Variants in INTS9 observed in about 807,000 individuals in gnomAD.
INTS9 encodes the protein integrator complex subunit 9.
In INTS9, 55 loss-of-function variants were observed where a neutral mutation model predicts 79.7. That is an observed-to-expected ratio of 0.69 (90% confidence interval 0.56 to 0.86). INTS9 has a LOEUF of 0.86. INTS9 is among the 40% of genes least tolerant of loss of function. The probability of loss-of-function intolerance (pLI) is 0.00; values close to 1 mark genes in which losing one functional copy is unlikely to be tolerated. For missense variants in INTS9, 721 were observed against 831.5 expected (o/e 0.87, Z 1.64); for synonymous variants, 319 against 325.2 (o/e 0.98, Z 0.20).
intron 1 of INTS9, among the ~76,000 whole-genome samples, chr8:28,882,455 C>G (rs181356113): frequency 0.017 from 898 of 51,968 alleles, 9 homozygotes; most frequent in Non-Finnish European, 0.026. Flanking sequence ...CAAGAATGAT[C>G]AATAAAAAAA....
At chr8:28,856,118 G>A (rs1052655357) in intron 2 of INTS9, among the ~76,000 whole-genome samples, 11 of 152,200 alleles carry the variant, frequency 7.2e-5, no homozygotes, top group Admixed American at 3.3e-4. Flanking sequence ...AAACTGGTGA[G>A]GAGGCTTTAG....
In INTS9 at chr8:28,785,345, ATAAATTAT is replaced by A. The variant is rs555937004; in HGVS notation, c.1098+2476_1098+2483del. Among the ~76,000 whole-genome samples the A allele has an allele frequency of 3.9e-5, 6 of 152,340 alleles. No homozygotes were observed. In the South Asian group the frequency reaches 1.2e-3, roughly 32 times the overall value. On this transcript the variant is annotated intron_variant, in intron 11 of 16. Coordinates refer to ENST00000521022, the MANE Select transcript of INTS9 (RefSeq NM_018250.4). ...GCACCCACTGGTGTTTCTTGCAGGAATAAATTATTACTGCGGTGGCTGCCAAATGGTGA... is the reference window on the plus strand; with the variant it reads ...GCACCCACTGGTGTTTCTTGCAGGAATACTGCGGTGGCTGCCAAATGGTGA...
chr8:28,873,428 C>T (rs1809197715), intron 1 of INTS9, among the ~76,000 whole-genome samples: 1 of 152,136 alleles, frequency 6.6e-6, no homozygotes, highest in African/African-American at 2.4e-5. Context: ...CCCTTTAAAA[C>T]TTTCAGGTCA....
chr8:28,878,696 G>A (rs1048121834), intron 1 of INTS9, among the ~76,000 whole-genome samples: 7 of 151,442 alleles, frequency 4.6e-5, no homozygotes, highest in African/African-American at 1.7e-4. Context: ...AAAAATGTTG[G>A]GCCAGGCGCG....
At position 28,768,201 on chromosome 8, in the gene INTS9, T is replaced by C. The variant is rs1802318611; in HGVS notation, c.1922A>G (p.Glu641Gly). Residue 641 changes from glutamate to glycine, a missense_variant, in exon 17 of 17, where the codon GAG becomes GGG. This residue lies in a region of INTS9 where 281 missense variants were observed against 300.8 expected (regional missense o/e 0.93). Transcript: ENST00000521022. The stretch of plus-strand genomic sequence containing the variant: ...GTCCCGCAGTCGCACTCTGAGCATC[T>C]CGTCATTGTCGCAGATGATATGGGT... ...DSTHIICDND[E>G]MLRVRLRDLV... is the part of the protein sequence containing the mutation. The C allele has an allele frequency of 8.7e-6, 14 of 1,614,224 alleles. No homozygotes were observed. Among genetic ancestry groups the C allele is most frequent in the Non-Finnish European group, 1.2e-5 (14 of 1,180,048 alleles).
At chr8:28,833,649 C>T (rs1374783774) in intron 6 of INTS9, among the ~76,000 whole-genome samples, 1 of 144,032 alleles carries the variant, frequency 6.9e-6, no homozygotes, top group Non-Finnish European at 1.5e-5. Flanking sequence ...AAAACAAAAA[C>T]CAAAAAAAAA....
intron 12 of INTS9, among the ~76,000 whole-genome samples, chr8:28,779,346 T>C (rs1803096599): frequency 6.6e-6 from 1 of 152,206 alleles, no homozygotes; most frequent in Non-Finnish European, 1.5e-5. Context: ...ACTTTCTGCC[T>C]GGCCTGGTAT....
intron 1 of INTS9, among the ~76,000 whole-genome samples, chr8:28,875,486 CT>C (rs886444992): frequency 2.6e-5 from 4 of 151,654 alleles, no homozygotes; most frequent in African/African-American, 7.3e-5. Flanking sequence ...TGGCATTCAT[CT>C]TTTTTTTTCT....
chr8:28,772,437 C>T (rs1019659937), intron 14 of INTS9, among the ~76,000 whole-genome samples: 4 of 152,062 alleles, frequency 2.6e-5, no homozygotes, highest in African/African-American at 9.7e-5. Context: ...TGCATGCACC[C>T]GGGAGGCAGA....
intron 1 of INTS9, among the ~76,000 whole-genome samples, chr8:28,861,136 T>C (rs902307311): frequency 6.6e-6 from 1 of 152,240 alleles, no homozygotes; most frequent in African/African-American, 2.4e-5. Flanking sequence ...ATACAAATTA[T>C]TTAAAACTGC....
chr8:28,825,730 G>A (rs147879302), intron 6 of INTS9, among the ~76,000 whole-genome samples: 123 of 152,320 alleles, frequency 8.1e-4, no homozygotes, highest in African/African-American at 2.5e-3. Flanking sequence ...TACTAGCAGC[G>A]TTCTGACCAA....
chr8:28,815,821 T>C (rs994315290), intron 6 of INTS9, among the ~76,000 whole-genome samples: 26 of 152,128 alleles, frequency 1.7e-4, no homozygotes, highest in Admixed American at 1.7e-3. Context: ...ACACTCATAA[T>C]ATTCAATTAC....
chr8:28,816,280 T>C (rs2131070574), intron 6 of INTS9, among the ~76,000 whole-genome samples: 2 of 150,454 alleles, frequency 1.3e-5, no homozygotes, highest in African/African-American at 2.4e-5. Flanking sequence ...ATTAGGTATG[T>C]CCCCTAAAGC....
intron 1 of INTS9, among the ~76,000 whole-genome samples, chr8:28,878,608 C>T (rs1364437517): frequency 6.6e-6 from 1 of 150,570 alleles, no homozygotes; most frequent in African/African-American, 2.4e-5. Context: ...AGGTGTCAGC[C>T]ACTGTGCCTG....
At chr8:28,817,912 A>T (rs1400734972) in intron 6 of INTS9, among the ~76,000 whole-genome samples, 12 of 150,938 alleles carry the variant, frequency 8.0e-5, no homozygotes, top group Non-Finnish European at 1.6e-4. Flanking sequence ...ATTCTCTTTG[A>T]AGCAATTGTG....
chr8:28,768,895 T>C (rs1802363898), intron 16 of INTS9, among the ~76,000 whole-genome samples: 1 of 152,214 alleles, frequency 6.6e-6, no homozygotes, highest in African/African-American at 2.4e-5. Flanking sequence ...ACTTCATGGC[T>C]GCAGGCTCCC....
intron 10 of INTS9, among the ~76,000 whole-genome samples, chr8:28,790,612 G>A (rs1325684846): frequency 6.6e-6 from 1 of 152,150 alleles, no homozygotes; most frequent in African/African-American, 2.4e-5. Flanking sequence ...ACAGGTGTGA[G>A]CCACCCTGAT....
intron 9 of INTS9, 44 bp from the exon 10 acceptor site, chr8:28,794,031 G>T: frequency 7.0e-7 from 1 of 1,425,736 alleles, no homozygotes; most frequent in African/African-American, 1.5e-5. Flanking sequence ...CATATCAAAA[G>T]GGCAGTGTTA....
intron 5 of INTS9, 121 bp downstream of exon 5, chr8:28,837,516 C>A: frequency 1.9e-6 from 2 of 1,065,420 alleles, no homozygotes; most frequent in Non-Finnish European, 1.3e-6. Flanking sequence ...CCTGCCTGTT[C>A]TTTGGGTTAG....
Sources: gnomAD v4.1 joint callset for allele counts (sites outside exome capture counted in the v4.1 genomes callset) on GRCh38, gnomAD v4.1.1 for gene constraint, gnomAD v4.1.1 regional missense constraint, MANE v1.5 for transcripts, NCBI Gene and HGNC (gene_info 2026-07-23, HGNC 2026-07-21) for gene names.